Variants in WDR49 observed in about 807,000 individuals in gnomAD.
The protein encoded by WDR49 is cilia- and flagella-associated protein 337.
In WDR49, 107 loss-of-function variants were observed where a neutral mutation model predicts 119.5. The ratio of observed to expected loss-of-function variants is 0.90; its 90% CI spans 0.77 to 1.05. The LOEUF (loss-of-function observed/expected upper bound fraction) is 1.05, where lower values mean the gene tolerates loss of function less well. Ranked by LOEUF, WDR49 falls within the 50% of genes least tolerant of loss-of-function variation. The probability of loss-of-function intolerance (pLI) is 0.00; values close to 1 mark genes in which losing one functional copy is unlikely to be tolerated. For missense variants in WDR49, 1,240 were observed against 1,220.5 expected (o/e 1.02, Z -0.24); for synonymous variants, 425 against 418.8 (o/e 1.01, Z -0.18).
At chr3:167,643,587 A>C (rs1717981561) in intron 2 of WDR49, among the ~76,000 whole-genome samples, 2 of 152,124 alleles carry the variant, frequency 1.3e-5, no homozygotes, top group Non-Finnish European at 2.9e-5. Flanking sequence ...CAACCTTTTC[A>C]TTAGGTAATG....
intron 7 of WDR49, among the ~76,000 whole-genome samples, chr3:167,579,173 T>C (rs1323637902): frequency 6.6e-6 from 1 of 152,146 alleles, no homozygotes; most frequent in African/African-American, 2.4e-5. Flanking sequence ...TTCCTCACCA[T>C]GCCTTTATAA....
intron 18 of WDR49, among the ~76,000 whole-genome samples, chr3:167,499,261 C>T (rs1206519637): frequency 6.6e-6 from 1 of 152,094 alleles, no homozygotes; most frequent in Non-Finnish European, 1.5e-5. Context: ...TCTTAAACTC[C>T]CCTAACTGTG....
chr3:167,511,887 T>C (rs1183488309), intron 16 of WDR49, among the ~76,000 whole-genome samples: 1 of 152,118 alleles, frequency 6.6e-6, no homozygotes, highest in Admixed American at 6.5e-5. Context: ...CCATCCCTCC[T>C]CTTTGGGTGG....
chr3:167,582,031 C>CGTGTGTGT (rs57233824), intron 7 of WDR49, among the ~76,000 whole-genome samples: 2,336 of 142,392 alleles, frequency 0.016, 34 homozygotes, highest in East Asian at 0.038. Context: ...GGCATGCTTC[C>CGTGTGTGT]GTGTGTGTGT....
intron 18 of WDR49, among the ~76,000 whole-genome samples, chr3:167,480,797 A>C (rs905201538): frequency 6.6e-6 from 1 of 152,214 alleles, no homozygotes; most frequent in Non-Finnish European, 1.5e-5. Flanking sequence ...CTGGGAAAAA[A>C]ATAGTCACTG....
intron 8 of WDR49, among the ~76,000 whole-genome samples, chr3:167,565,765 C>A (rs75978382): frequency 6.6e-6 from 1 of 151,968 alleles, no homozygotes; most frequent in African/African-American, 2.4e-5. Flanking sequence ...CCATTGCCTG[C>A]GGTCAGTGCA....
chr3:167,650,225 T>C (rs1037224457), intron 2 of WDR49, among the ~76,000 whole-genome samples: 2 of 152,196 alleles, frequency 1.3e-5, no homozygotes, highest in African/African-American at 2.4e-5. Flanking sequence ...CCACAGCTAC[T>C]CTTCCTCAAA....
At chr3:167,584,249 A>AG in intron 7 of WDR49, among the ~76,000 whole-genome samples, 1 of 152,050 alleles carries the variant, frequency 6.6e-6, no homozygotes. Flanking sequence ...AAATATGGAG[A>AG]AAAAAAATCT....
intron 2 of WDR49, among the ~76,000 whole-genome samples, chr3:167,651,992 A>C (rs1229494101): frequency 6.6e-6 from 1 of 152,180 alleles, no homozygotes; most frequent in African/African-American, 2.4e-5. Context: ...ATAGAGTCAA[A>C]GCTGTCATAA....
At chr3:167,648,831 T>C (rs951667609) in intron 2 of WDR49, among the ~76,000 whole-genome samples, 3 of 152,180 alleles carry the variant, frequency 2.0e-5, no homozygotes, top group Non-Finnish European at 2.9e-5. Context: ...TGCAACTGCT[T>C]ACCCATTAGA....
At chr3:167,622,512 C>T (rs746847179) in intron 3 of WDR49, among the ~76,000 whole-genome samples, 1 of 152,166 alleles carries the variant, frequency 6.6e-6, no homozygotes, top group Non-Finnish European at 1.5e-5. Flanking sequence ...GATATAATTA[C>T]TGAAAAGGTA....
chr3:167,593,318 G>T (rs1229939744), intron 7 of WDR49, among the ~76,000 whole-genome samples: 2 of 151,442 alleles, frequency 1.3e-5, no homozygotes, highest in African/African-American at 4.8e-5. Context: ...TGCCTCCTCT[G>T]ACTGCATTTC....
chr3:167,553,253 A>C (rs1712681776), intron 10 of WDR49, among the ~76,000 whole-genome samples: 1 of 152,102 alleles, frequency 6.6e-6, no homozygotes, highest in Non-Finnish European at 1.5e-5. Flanking sequence ...GACAACCTTG[A>C]GGATAACGGA....
intron 2 of WDR49, among the ~76,000 whole-genome samples, chr3:167,634,254 A>C (rs550840512): frequency 6.6e-6 from 1 of 151,924 alleles, no homozygotes; most frequent in African/African-American, 2.4e-5. Context: ...ATAAAGGTGA[A>C]AATTATATGA....
intron 8 of WDR49, among the ~76,000 whole-genome samples, chr3:167,573,607 G>T (rs762123976): frequency 6.6e-6 from 1 of 152,098 alleles, no homozygotes; most frequent in African/African-American, 2.4e-5. Context: ...TTTTGAGAGA[G>T]TGAAAGTTTA....
At chr3:167,539,878 G>GT (rs369126179) in intron 10 of WDR49, among the ~76,000 whole-genome samples, 31 of 152,178 alleles carry the variant, frequency 2.0e-4, no homozygotes, top group African/African-American at 5.5e-4. Flanking sequence ...CAAATACTTT[G>GT]TTTTTTTCCT....
Position 167,575,200 on chromosome 3 carries a change from G to A in WDR49, c.1509+718C>T, listed in dbSNP as rs888999873. The A allele has an allele frequency of 7.1e-6, 7 of 985,350 alleles. No individual in the cohort carries two copies. In the African/African-American group the frequency reaches 1.2e-4, roughly 17 times the overall value. 61.0% of individuals were successfully genotyped at this position (985,350 alleles called of 1,614,324 possible). A position where few individuals can be genotyped will look rare whatever the true frequency, so the allele number is the denominator to read the frequency against. On this transcript the variant is annotated intron_variant, in intron 8 of 18. Transcript: ENST00000682715. Reference sequence around the variant, plus strand: ...TCACTGCAGCAGGCTAACCTCTGATGTTGCTTGCTCCCTTCATGATACCCA... The same window carrying A: ...TCACTGCAGCAGGCTAACCTCTGATATTGCTTGCTCCCTTCATGATACCCA...
chr3:167,573,390 A>G (rs1444491329), intron 8 of WDR49, among the ~76,000 whole-genome samples: 1 of 125,584 alleles, frequency 8.0e-6, no homozygotes, highest in Non-Finnish European at 1.6e-5. Flanking sequence ...TTTATGTGGA[A>G]TACACACACA....
At chr3:167,626,224 A>G (rs902587436) in intron 3 of WDR49, among the ~76,000 whole-genome samples, 1 of 152,048 alleles carries the variant, frequency 6.6e-6, no homozygotes, top group African/African-American at 2.4e-5. Context: ...AGATGAAACA[A>G]GATTAGCCGT....
Sources: allele counts gnomAD v4.1 joint callset (sites outside exome capture counted in the v4.1 genomes callset), GRCh38; gene constraint gnomAD v4.1.1; transcripts MANE v1.5; gene names NCBI Gene and HGNC (gene_info 2026-07-23, HGNC 2026-07-21).